NOTCH1: variants seen among roughly 807,000 people sequenced by gnomAD.
NOTCH1 encodes neurogenic locus notch homolog protein 1.
A neutral mutation model predicts 254.8 loss-of-function variants in NOTCH1; 37 were observed. That is an observed-to-expected ratio of 0.15 (90% CI 0.11 to 0.19). The LOEUF is 0.19. Among genes scored for constraint, NOTCH1 ranks in the 10% least tolerant of loss-of-function variants. The pLI, the probability that NOTCH1 is intolerant of heterozygous loss-of-function variation, is 1.00. For synonymous variants in NOTCH1, 1,731 were observed against 1,618.1 expected (o/e 1.07, Z -1.68); for missense variants, 2,972 against 3,708.6 (o/e 0.80, Z 5.16).
intron 2 of NOTCH1, among the ~76,000 whole-genome samples, chr9:136,539,014 C>T (rs1042736000): frequency 1.3e-5 from 2 of 152,186 alleles, no homozygotes; most frequent in African/African-American, 4.8e-5. Flanking sequence ...TGCTGCCCAT[C>T]ACAGGTGCAG....
chr9:136,502,954 A>C lies in NOTCH1; in HGVS notation c.5167+228T>G, dbSNP rs180916492. On this transcript the variant is annotated intron_variant, in intron 27 of 33. Coordinates refer to ENST00000651671, the MANE Select transcript of NOTCH1 (RefSeq NM_017617.5). ...AGGGTGGGGAGAGAAGCAGGCACCC[A>C]CTTTCCCGTGGCTGGACTCGTTCCC... The C allele has an allele frequency of 1.0e-3, 708 of 702,880 alleles. 1 individual carries two copies. The African/African-American group carries it at 0.011, about 11-fold the overall frequency. 43.5% of individuals were successfully genotyped at this position (702,880 alleles called of 1,614,324 possible).
rs750808945 is a variant in NOTCH1, at chr9:136,505,103, G to A, written c.4588C>T (p.Pro1530Ser). 4 of 1,607,820 alleles carry A rather than the reference G, an allele frequency of 2.5e-6. No individual in the cohort carries two copies. Among genetic ancestry groups the A allele is most frequent in the African/African-American group, 1.3e-5 (1 of 74,906 alleles). The change falls in exon 26 of 34, where the codon CCC becomes TCC. Residue 1530 changes from proline (P) to serine (S), a missense_variant and splice_region_variant. Pro to Ser is a moderately conservative substitution (Grantham distance 74). Transcript: ENST00000651671. The part of the protein sequence containing the change: ...DCQRAEGQCN[P>S]LYDQYCKDHF... ...TCCTTGCAGTACTGGTCGTACAGGG[G>A]GCTGTGGGGGGCGGGACACGCTCAG...
Position 136,504,618 on chromosome 9 carries a change from G to A in NOTCH1, c.5018+55C>T, listed in dbSNP as rs11574903. On this transcript the variant is annotated intron_variant, in intron 26 of 33. Coordinates refer to ENST00000651671, the MANE Select transcript of NOTCH1 (RefSeq NM_017617.5). Reference sequence around the variant, plus strand: ...GGCCGTGAGGGGCAGGGAGGCCGTCGGGGAGGGCCCAGGAGAGTTGCGGGG... The same window carrying A: ...GGCCGTGAGGGGCAGGGAGGCCGTCAGGGAGGGCCCAGGAGAGTTGCGGGG... 316,392 of 1,444,754 alleles carry A rather than the reference G, an allele frequency of 0.22. 37,404 individuals are homozygous for A. Among genetic ancestry groups the A allele is most frequent in the Non-Finnish European group, 0.24 (266,319 of 1,093,250 alleles). 89.5% of individuals were successfully genotyped at this position (1,444,754 alleles called of 1,614,324 possible). A position where few individuals can be genotyped will look rare whatever the true frequency, so the allele number is the denominator to read the frequency against.
At chr9:136,511,682 G>A (rs1462472186) in intron 15 of NOTCH1, among the ~76,000 whole-genome samples, 2 of 152,242 alleles carry the variant, frequency 1.3e-5, no homozygotes, top group African/African-American at 2.4e-5. Flanking sequence ...GACGAGGAAA[G>A]GCCCTGGCCT....
chr9:136,513,288 G>A lies in NOTCH1; in HGVS notation c.2353+104C>T. 2 of 1,551,556 alleles carry A rather than the reference G, an allele frequency of 1.3e-6. No individual in the cohort carries two copies. Among genetic ancestry groups the A allele is most frequent in the Non-Finnish European group, 1.8e-6 (2 of 1,130,728 alleles). The stretch of plus-strand genomic sequence containing the variant: ...AGCTAAGGCTTTGCCACGGGAGGGA[G>A]ACACCATGCATGGTGCTGGCTGGAC... On this transcript the variant is annotated intron_variant, in intron 14 of 33. Transcript: ENST00000651671. The surrounding 1 kb of genome is among the most constrained non-coding windows in gnomAD (Gnocchi z 4.7).
chr9:136,524,486 T>C (rs1433969157), intron 2 of NOTCH1, among the ~76,000 whole-genome samples: 1 of 152,202 alleles, frequency 6.6e-6, no homozygotes, highest in East Asian at 1.9e-4. Flanking sequence ...TGCAGGCCTA[T>C]CTGCTTTTCT....
intron 2 of NOTCH1, among the ~76,000 whole-genome samples, chr9:136,529,997 C>T (rs1388671223): frequency 9.9e-6 from 1 of 100,534 alleles, no homozygotes; most frequent in African/African-American, 3.9e-5. Context: ...TGCACGGGGG[C>T]CCTGCCCTGG....
At chr9:136,517,636 C>A in intron 8 of NOTCH1, 116 bp downstream of exon 8, 1 of 1,314,856 alleles carries the variant, frequency 7.6e-7, no homozygotes, top group Admixed American at 1.9e-5. Flanking sequence ...AGGCTGTGGG[C>A]CCAGAAGGCA....
rs1354428862 is a variant in NOTCH1 at position 136,506,120 on chromosome 9, G to A, written c.4015-239C>T. Among the ~76,000 whole-genome samples, 1 of 152,138 alleles carries A rather than the reference G, an allele frequency of 6.6e-6. No homozygotes were observed. The highest frequency in any genetic ancestry group is 1.5e-5 in the Non-Finnish European group (1 of 68,000). The stretch of plus-strand genomic sequence containing the variant: ...AACTGGTGGAGTGCTGAGGACTTTA[G>A]GGCAGGGACTCTCTGCCGTGATCCT... On this transcript the variant is annotated intron_variant, in intron 24 of 33. Transcript: ENST00000651671. This position sits in a 1 kb window ranked among gnomAD's most constrained non-coding sequence, Gnocchi z 4.5.
intron 4 of NOTCH1, among the ~76,000 whole-genome samples, chr9:136,519,785 G>A (rs1054842950): frequency 6.6e-6 from 1 of 152,252 alleles, no homozygotes; most frequent in Non-Finnish European, 1.5e-5. Flanking sequence ...AGGGACTCAG[G>A]AACACAGGGT....
At chr9:136,503,079 C>A (rs567770842) in intron 27 of NOTCH1, 103 bp downstream of exon 27, 2 of 1,535,878 alleles carry the variant, frequency 1.3e-6, no homozygotes, top group African/African-American at 2.7e-5. Context: ...GCAACGCTCA[C>A]ACCCGTGGGT....
chr9:136,515,836 C>A, intron 10 of NOTCH1, 120 bp from the exon 11 acceptor site: 2 of 1,157,300 alleles, frequency 1.7e-6, no homozygotes, highest in Non-Finnish European at 2.4e-6. Context: ...GGCATTCCCA[C>A]CTACTCAGGA....
intron 2 of NOTCH1, among the ~76,000 whole-genome samples, chr9:136,538,291 C>T (rs1318257079): frequency 6.6e-6 from 1 of 151,638 alleles, no homozygotes; most frequent in African/African-American, 2.4e-5. Context: ...ACTGCCCCTT[C>T]CCCAGCTGGG....
rs754570072 is a variant in NOTCH1 at position 136,496,107 on chromosome 9, C to T, written c.7632G>A (p.Gln2544=). 6.2e-7 allele frequency: 1 copy of T among 1,608,744 alleles called. No individual in the cohort carries two copies. Among genetic ancestry groups the T allele is most frequent in the Admixed American group, 1.7e-5 (1 of 59,688 alleles). ...CCTCCGGAATGCGGGCGATCTGGGA[C>T]TGCATGCTGGTGGGAGGGCTGGAGA... ...EGVSSPPTSM[Q]SQIARIPEAF... The change falls in exon 34 of 34, where the codon CAG becomes CAA. Residue 2544 remains glutamine, a synonymous_variant. Transcript: ENST00000651671.
chr9:136,508,131 C>T lies in NOTCH1; in HGVS notation c.3334G>A (p.Val1112Ile), dbSNP rs370696201. 1.3e-4 allele frequency: 209 copies of T among 1,607,914 alleles called. No individual in the cohort carries two copies. The highest frequency in any genetic ancestry group is 1.9e-4 in the African/African-American group (14 of 74,894). ...EVAAQRQGVDVARLCQHGGLC... is the reference protein window; with the variant it reads ...EVAAQRQGVDIARLCQHGGLC... The stretch of plus-strand genomic sequence containing the variant: ...CCTCCATGCTGGCACAGGCGGGCAA[C>T]GTCAACACCTGCGGGGGATGGGGTG... Residue 1112 changes from valine to isoleucine, a missense_variant, in exon 21 of 34, where the codon GTT becomes ATT. By Grantham distance (29) the Val-to-Ile change is conservative. Coordinates refer to ENST00000651671, the MANE Select transcript of NOTCH1 (RefSeq NM_017617.5).
Position 136,523,118 on chromosome 9 carries a change from G to A in NOTCH1, c.474C>T (p.Phe158=), listed in dbSNP as rs774011231. ...PCANGGQCLP[F]EASYICHCPP... is the part of the protein sequence containing the mutation. ...GGCAGTGGCAGATGTAGGAGGCCTC[G>A]AAGGGCAGGCACTGGCCACCGTTGG... The change falls in exon 4 of 34, where the codon TTC becomes TTT. Residue 158 remains phenylalanine (F), a synonymous_variant. Transcript: ENST00000651671. The A allele has an allele frequency of 1.6e-5, 26 of 1,603,356 alleles. No homozygotes were observed. The highest frequency in any genetic ancestry group is 8.5e-5 in the Admixed American group (5 of 58,868).
intron 2 of NOTCH1, among the ~76,000 whole-genome samples, chr9:136,524,404 G>A (rs1843425928): frequency 6.6e-6 from 1 of 152,208 alleles, no homozygotes; most frequent in Admixed American, 6.5e-5. Flanking sequence ...GCCCGGGCAG[G>A]GGTCTGGGTC....
chr9:136,512,929 T>A, intron 15 of NOTCH1, 92 bp downstream of exon 15: 2 of 90,976 alleles, frequency 2.2e-5, no homozygotes, highest in Admixed American at 1.4e-4. Flanking sequence ...GGCCCCACCC[T>A]CTCCAGCACA....
intron 2 of NOTCH1, among the ~76,000 whole-genome samples, chr9:136,532,860 G>T (rs945206421): frequency 1.3e-5 from 2 of 152,312 alleles, no homozygotes; most frequent in Non-Finnish European, 2.9e-5. Context: ...AAGGTCTCGT[G>T]GGGGTGGCCG....
Sources: allele counts gnomAD v4.1 joint callset (sites outside exome capture counted in the v4.1 genomes callset), GRCh38; gene constraint gnomAD v4.1.1; non-coding constraint Gnocchi (gnomAD v3.1); transcripts MANE v1.5; gene names NCBI Gene and HGNC (gene_info 2026-07-23, HGNC 2026-07-21).